The following NAT2 variants were observed in gnomAD, a reference collection of about 807,000 sequenced individuals.
NAT2 encodes the protein N-acetyltransferase 2, also known as arylamine N-acetyltransferase 2.
For synonymous variants in NAT2, 137 were observed against 125.9 expected (o/e 1.09, Z -0.59); for missense variants, 428 against 339.1 (o/e 1.26, Z -2.06).
At chr8:18,398,472 T>A (rs531443021) in intron 1 of NAT2, among the ~76,000 whole-genome samples, 23 of 152,246 alleles carry the variant, frequency 1.5e-4, no homozygotes, top group African/African-American at 5.5e-4. Flanking sequence ...GAGATTCTAG[T>A]TTGTTTGGCC....
intron 1 of NAT2, among the ~76,000 whole-genome samples, chr8:18,397,632 C>A (rs1220150647): frequency 3.3e-5 from 5 of 152,040 alleles, no homozygotes; most frequent in South Asian, 2.1e-4. Flanking sequence ...ACCAAAAAAA[C>A]CACAATACAA....
upstream of NAT2, among the ~76,000 whole-genome samples, chr8:18,386,607 G>A (rs1316612832): frequency 6.6e-6 from 1 of 152,188 alleles, no homozygotes; most frequent in Non-Finnish European, 1.5e-5. Context: ...CTTCCAGTGA[G>A]TTTTGGACTA....
chr8:18,389,792 G>A (rs974642096), upstream of NAT2, among the ~76,000 whole-genome samples: 2 of 152,168 alleles, frequency 1.3e-5, no homozygotes, highest in African/African-American at 4.8e-5. Context: ...GGAGTAGGAG[G>A]CAATCAAATG....
Position 18,400,330 on chromosome 8 carries a change from C to A in NAT2, c.327C>A (p.Leu109=). Residue 109 remains leucine, a synonymous_variant, in exon 2 of 2, where the codon CTC becomes CTA. Coordinates refer to ENST00000286479, the MANE Select transcript of NAT2 (RefSeq NM_000015.3). ...NKYSTGMVHL[L]LQVTIDGRNY... is the part of the protein sequence containing the mutation. ...ACAGCACTGGCATGGTTCACCTTCT[C>A]CTGCAGGTGACCATTGACGGCAGGA... 1 of 1,613,648 alleles carries A rather than the reference C, an allele frequency of 6.2e-7. No homozygotes were observed. The highest frequency in any genetic ancestry group is 8.5e-7 in the Non-Finnish European group (1 of 1,179,800).
Position 18,400,477 on chromosome 8 carries a change from C to T in NAT2, c.474C>T (p.Ile158=), listed in dbSNP as rs1167239048. ...CIFCLTEERG[I]WYLDQIRREQ... ...TCTGCTTGACAGAAGAGAGAGGAAT[C>T]TGGTACCTGGACCAAATCAGGAGAG... The change falls in exon 2 of 2, where the codon ATC becomes ATT. Residue 158 remains isoleucine, a synonymous_variant. Transcript: ENST00000286479. 1 of 1,613,826 alleles carries T rather than the reference C, an allele frequency of 6.2e-7. No homozygotes were observed. The highest frequency in any genetic ancestry group is 1.1e-5 in the South Asian group (1 of 91,062).
chr8:18,392,250 A>T (rs1191704171), intron 1 of NAT2, among the ~76,000 whole-genome samples: 1 of 152,192 alleles, frequency 6.6e-6, no homozygotes, highest in Admixed American at 6.5e-5. Flanking sequence ...AGGGGAGTTT[A>T]TTAAGGAGTA....
At chr8:18,396,099 T>G (rs1449292365) in intron 1 of NAT2, among the ~76,000 whole-genome samples, 2 of 152,054 alleles carry the variant, frequency 1.3e-5, no homozygotes, top group African/African-American at 4.8e-5. Flanking sequence ...ATTAATAAAA[T>G]CTTACAAACA....
chr8:18,386,989 ACTCGG>A (rs1040919977), upstream of NAT2: 8 of 152,134 alleles, frequency 5.3e-5, no homozygotes, highest in African/African-American at 1.9e-4. Context: ...TCACACAAGG[ACTCGG>A]AGGGGCTCCT....
At chr8:18,390,297 T>C (rs1207100560), upstream of NAT2, among the ~76,000 whole-genome samples, 1 of 152,196 alleles carries the variant, frequency 6.6e-6, no homozygotes, top group Non-Finnish European at 1.5e-5. Context: ...CTCACTCATA[T>C]GTGGAATCTA....
intron 1 of NAT2, among the ~76,000 whole-genome samples, chr8:18,394,468 CT>C (rs1273931867): frequency 6.6e-6 from 1 of 152,112 alleles, no homozygotes. Flanking sequence ...TAAAAAATGG[CT>C]TTGCTGGAAC....
upstream of NAT2, chr8:18,387,878 A>G (rs1800531118): frequency 6.6e-6 from 1 of 152,594 alleles, no homozygotes; most frequent in African/African-American, 2.4e-5. Flanking sequence ...GACTTTCGAA[A>G]GTGCTTCTCA....
Position 18,400,185 on chromosome 8 carries a change from G to C in NAT2, c.182G>C (p.Arg61Thr). Residue 61 changes from arginine to threonine, a missense_variant, in exon 2 of 2, where the codon AGA (arginine) becomes ACA (threonine). Coordinates refer to ENST00000286479, the MANE Select transcript of NAT2 (RefSeq NM_000015.3). ...GAGGCTATTTTTGATCACATTGTAA[G>C]AAGAAACCGGGGTGGGTGGTGTCTC... ...GLEAIFDHIV[R>T]RNRGGWCLQV... The C allele has an allele frequency of 6.2e-7, 1 of 1,613,682 alleles. No individual in the cohort carries two copies. Among genetic ancestry groups the C allele is most frequent in the Non-Finnish European group, 8.5e-7 (1 of 1,179,740 alleles).
At chr8:18,387,166 G>C (rs562729387), upstream of NAT2, 2 of 152,232 alleles carry the variant, frequency 1.3e-5, no homozygotes, top group African/African-American at 4.9e-5. Context: ...CCAGTGCAGG[G>C]AGCGCGGGGA....
intron 1 of NAT2, among the ~76,000 whole-genome samples, chr8:18,397,947 T>C (rs1800721523): frequency 6.6e-6 from 1 of 152,154 alleles, no homozygotes; most frequent in African/African-American, 2.4e-5. Flanking sequence ...AAAAAAGCAA[T>C]GTTTTCTTCC....
chr8:18,396,938 T>A (rs767582244), intron 1 of NAT2, among the ~76,000 whole-genome samples: 8 of 152,110 alleles, frequency 5.3e-5, no homozygotes, highest in Non-Finnish European at 5.9e-5. Flanking sequence ...CAAATATAAG[T>A]GGGATGGATA....
At chr8:18,389,143 C>G (rs1172145183), upstream of NAT2, among the ~76,000 whole-genome samples, 2 of 152,200 alleles carry the variant, frequency 1.3e-5, no homozygotes, top group African/African-American at 4.8e-5. Flanking sequence ...TAGAGGCAAT[C>G]TCAGAATTAC....
intron 1 of NAT2, among the ~76,000 whole-genome samples, chr8:18,395,590 C>G (rs1211588455): frequency 1.3e-5 from 2 of 151,852 alleles, no homozygotes; most frequent in Non-Finnish European, 2.9e-5. Flanking sequence ...GACTTAATAT[C>G]AAAAAAGATA....
upstream of NAT2, among the ~76,000 whole-genome samples, chr8:18,390,001 C>A (rs1281901072): frequency 2.0e-5 from 3 of 152,208 alleles, no homozygotes; most frequent in African/African-American, 7.2e-5. Flanking sequence ...AGGCTGCCTG[C>A]AAAGAAAGGG....
At chr8:18,396,283 T>C (rs1800688498) in intron 1 of NAT2, among the ~76,000 whole-genome samples, 1 of 152,186 alleles carries the variant, frequency 6.6e-6, no homozygotes, top group South Asian at 2.1e-4. Flanking sequence ...GTTTAATTTA[T>C]GCAAAAACTA....
Sources: allele counts gnomAD v4.1 joint callset (sites outside exome capture counted in the v4.1 genomes callset), GRCh38; gene constraint gnomAD v4.1.1; transcripts MANE v1.5; gene names NCBI Gene and HGNC (gene_info 2026-07-23, HGNC 2026-07-21).